RELB: variants seen among roughly 807,000 people sequenced by gnomAD.
RELB encodes the protein RELB proto-oncogene, NF-kB subunit, also known as transcription factor RelB.
Under a neutral mutation model 55.4 loss-of-function variants are expected in RELB, and 14 were observed. That is an observed-to-expected ratio of 0.25 (90% CI 0.17 to 0.40). The LOEUF (loss-of-function observed/expected upper bound fraction) is 0.40. Among genes scored for constraint, RELB ranks in the 10% least tolerant of loss-of-function variants. The pLI, the probability that RELB is intolerant of heterozygous loss-of-function variation, is 1.00. For synonymous variants in RELB, 409 were observed against 371.3 expected (o/e 1.10, Z -1.17); for missense variants, 669 against 830.7 (o/e 0.81, Z 2.39).
intron 2 of RELB, chr19:45,008,577 AAATTGGGGGGACCTTGGCACCC>A (rs1971311879): frequency 2.2e-6 from 1 of 455,684 alleles, no homozygotes; most frequent in Admixed American, 2.4e-5. Context: ...CCCATCTGCC[AAATTGGGGGGACCTTGGCACCC>A]TACTGGCTTC....
chr19:45,024,107 C>G (rs1419012801), intron 5 of RELB, among the ~76,000 whole-genome samples: 1 of 150,408 alleles, frequency 6.6e-6, no homozygotes, highest in Admixed American at 6.6e-5. Flanking sequence ...TCCCAAAGTG[C>G]TGGGATTACA....
In RELB at chr19:45,034,521, C is replaced by T. The variant is rs2230682; in HGVS notation, c.1347C>T (p.His449=). The T allele has an allele frequency of 0.014, 22,599 of 1,600,956 alleles. 191 individuals carry two copies. The highest frequency in any genetic ancestry group is 0.02 in the South Asian group (1,783 of 88,708). ...TCCTGGACCACTTCCTGCCCAACCA[C>T]GGCTCAGGTGGGTCCCAGCTACACA... ...PAILDHFLPN[H]GSGPFLPPSA... is the part of the protein sequence containing the mutation. Residue 449 remains histidine (H), a synonymous_variant, in exon 11 of 12, where the codon CAC becomes CAT. Transcript: ENST00000221452.
chr19:45,004,415 G>C (rs964793393), intron 2 of RELB, among the ~76,000 whole-genome samples: 1 of 147,036 alleles, frequency 6.8e-6, no homozygotes. Context: ...GTAGAGACAG[G>C]GTTTCTCCAT....
Position 45,034,509 on chromosome 19 carries a change from C to T in RELB, c.1335C>T (p.Phe445=), listed in dbSNP as rs768670803. The T allele has an allele frequency of 2.5e-6, 4 of 1,606,248 alleles. No homozygotes were observed. Among genetic ancestry groups the T allele is most frequent in the Non-Finnish European group, 3.4e-6 (4 of 1,176,450 alleles). Residue 445 remains phenylalanine (F), a synonymous_variant, in exon 11 of 12, where the codon TTC becomes TTT. Coordinates refer to ENST00000221452, the MANE Select transcript of RELB (RefSeq NM_006509.4). ...AAAAGCCGGCCATCCTGGACCACTT[C>T]CTGCCCAACCACGGCTCAGGTGGGT... ...RKKKPAILDH[F]LPNHGSGPFL... is the part of the protein sequence containing the mutation.
chr19:45,017,330 T>A (rs1426663915), intron 4 of RELB, among the ~76,000 whole-genome samples: 1 of 150,322 alleles, frequency 6.7e-6, no homozygotes, highest in African/African-American at 2.4e-5. Flanking sequence ...CTTCCTTTTT[T>A]AAAAAAGAAA....
chr19:45,007,686 C>T (rs549958314), intron 2 of RELB, among the ~76,000 whole-genome samples: 38 of 151,914 alleles, frequency 2.5e-4, no homozygotes, highest in East Asian at 1.7e-3. Context: ...GGTGAAACCC[C>T]GTCTCTACTA....
intron 11 of RELB, among the ~76,000 whole-genome samples, chr19:45,034,812 G>T (rs1971668403): frequency 6.6e-6 from 1 of 151,630 alleles, no homozygotes; most frequent in African/African-American, 2.4e-5. Context: ...TAGCTCAGTG[G>T]TGTTTTAAAA....
At chr19:45,034,337 C>G in intron 10 of RELB, 25 bp downstream of exon 10, 2 of 1,610,392 alleles carry the variant, frequency 1.2e-6, no homozygotes, top group South Asian at 1.1e-5. Flanking sequence ...CCCCTTTCCA[C>G]CCCCATCCCC....
intron 5 of RELB, among the ~76,000 whole-genome samples, chr19:45,023,399 T>TCCTTCCTTCCTTCCTTCCTG (rs1971513835): frequency 6.7e-6 from 1 of 149,626 alleles, no homozygotes; most frequent in Non-Finnish European, 1.5e-5. Flanking sequence ...TTTCTTTCCT[T>TCCTTCCTTCCTTCCTTCCTG]CCTTCCTTCC....
At chr19:45,005,787 A>G (rs544070049) in intron 2 of RELB, among the ~76,000 whole-genome samples, 4 of 152,262 alleles carry the variant, frequency 2.6e-5, no homozygotes, top group Non-Finnish European at 5.9e-5. Flanking sequence ...TATTTTTAGT[A>G]GAGACGGGGT....
intron 2 of RELB, among the ~76,000 whole-genome samples, chr19:45,007,326 C>T (rs1268978428): frequency 6.6e-6 from 1 of 152,152 alleles, no homozygotes; most frequent in Non-Finnish European, 1.5e-5. Flanking sequence ...TAATAGAGGA[C>T]TTGAGATAAT....
intron 5 of RELB, among the ~76,000 whole-genome samples, chr19:45,024,693 G>T (rs1221341922): frequency 6.6e-6 from 1 of 151,656 alleles, no homozygotes; most frequent in South Asian, 2.1e-4. Flanking sequence ...GGGATTACAG[G>T]TGTGCGCCAC....
intron 5 of RELB, among the ~76,000 whole-genome samples, chr19:45,022,779 C>G (rs968057202): frequency 6.6e-6 from 1 of 152,054 alleles, no homozygotes; most frequent in African/African-American, 2.4e-5. Context: ...GAACTGCTGA[C>G]CTTAGGTGAT....
At chr19:45,035,121 C>T (rs1254710374) in intron 11 of RELB, among the ~76,000 whole-genome samples, 1 of 152,020 alleles carries the variant, frequency 6.6e-6, no homozygotes, top group Non-Finnish European at 1.5e-5. Flanking sequence ...GGATTACAGG[C>T]ATGAGCCACT....
rs533976824 is a variant in RELB at position 45,018,126 on chromosome 19, C to T, written c.505-3927C>T. 9.9e-5 allele frequency among the ~76,000 whole-genome samples: 15 copies of T among 151,820 alleles called. No homozygotes were observed. The South Asian group carries it at 3.1e-3, about 32-fold the overall frequency. ...TACTAAAAATACAAAAATTCTTGGCCGAGCGTGGTGGCTCAGGCCTGTAAT... is the reference window on the plus strand; with the variant it reads ...TACTAAAAATACAAAAATTCTTGGCTGAGCGTGGTGGCTCAGGCCTGTAAT... On this transcript the variant is annotated intron_variant, in intron 4 of 11. Coordinates refer to ENST00000221452, the MANE Select transcript of RELB (RefSeq NM_006509.4).
chr19:45,034,363 G>T, intron 10 of RELB, 51 bp downstream of exon 10: 1 of 1,607,252 alleles, frequency 6.2e-7, no homozygotes, highest in Non-Finnish European at 8.5e-7. Flanking sequence ...CTGGGGAGGG[G>T]ACAGCTGACC....
At position 45,025,849 on chromosome 19, in the gene RELB, A is replaced by G. The variant is rs527538048; in HGVS notation, c.886+112A>G. 1.2e-5 allele frequency: 16 copies of G among 1,381,428 alleles called. No individual in the cohort carries two copies. In the African/African-American group the frequency reaches 2.0e-4, roughly 17 times the overall value. 85.6% of individuals were successfully genotyped at this position (1,381,428 alleles called of 1,614,324 possible). On this transcript the variant is annotated intron_variant, in intron 7 of 11. Coordinates refer to ENST00000221452, the MANE Select transcript of RELB (RefSeq NM_006509.4). ...CGCTGTGGCTCACGCCTGTAATCCC[A>G]ACACTTTGGGAGGTCGAGGTGGGAG...
intron 4 of RELB, among the ~76,000 whole-genome samples, chr19:45,019,966 C>T (rs1284154883): frequency 6.6e-6 from 1 of 151,862 alleles, no homozygotes; most frequent in Non-Finnish European, 1.5e-5. Context: ...GATCCACCCA[C>T]CTCGGCCTCC....
chr19:45,021,380 A>C (rs1004978080), intron 4 of RELB, among the ~76,000 whole-genome samples: 1 of 139,264 alleles, frequency 7.2e-6, no homozygotes, highest in Non-Finnish European at 1.6e-5. Context: ...AGGCTGAGGC[A>C]GGAGAATGGC....
Sources: allele counts gnomAD v4.1 joint callset (sites outside exome capture counted in the v4.1 genomes callset), GRCh38; gene constraint gnomAD v4.1.1; transcripts MANE v1.5; gene names NCBI Gene and HGNC (gene_info 2026-07-23, HGNC 2026-07-21).